The following CC2D2A variants were observed in gnomAD, a reference collection of about 807,000 sequenced individuals.
CC2D2A encodes coiled-coil and C2 domain containing 2A.
In CC2D2A, 155 loss-of-function variants were observed where a neutral mutation model predicts 212.9. The ratio of observed to expected loss-of-function variants is 0.73; its 90% CI spans 0.64 to 0.83. The LOEUF is 0.83. Among genes scored for constraint, CC2D2A ranks in the 40% least tolerant of loss-of-function variants. CC2D2A has a pLI of 0.00. For missense variants in CC2D2A, 1,856 were observed against 1,956.2 expected (o/e 0.95, Z 0.97); for synonymous variants, 667 against 686.5 (o/e 0.97, Z 0.44).
In CC2D2A at chr4:15,567,421, A is replaced by T. The variant is rs768818047; in HGVS notation, c.3227A>T (p.Lys1076Met). ...PSRSSRMFSE[K>M]HAASPSTYSP... ...AGGTCTTCAAGGATGTTCAGTGAAA[A>T]GCATGCTGCTTCCCCAAGCACGTAC... Residue 1076 changes from lysine to methionine, a missense_variant, in exon 25 of 37, where the codon AAG (lysine) becomes ATG (methionine). Transcript: ENST00000424120. 1 of 1,613,636 alleles carries T rather than the reference A, an allele frequency of 6.2e-7. No individual in the cohort carries two copies. The highest frequency in any genetic ancestry group is 8.5e-7 in the Non-Finnish European group (1 of 1,179,736).
chr4:15,493,697 A>G (rs957488649), intron 4 of CC2D2A, among the ~76,000 whole-genome samples: 10 of 152,282 alleles, frequency 6.6e-5, no homozygotes, highest in East Asian at 1.9e-4. Flanking sequence ...TTTGTGGTCT[A>G]TCTCCCCCAC....
chr4:15,543,868 T>A (rs1008088112), intron 17 of CC2D2A: 3 of 152,270 alleles, frequency 2.0e-5, no homozygotes, highest in African/African-American at 7.2e-5. Flanking sequence ...GTACAATTAT[T>A]TGAGCCACTT....
chr4:15,526,471 G>A (rs1717515692), intron 11 of CC2D2A, among the ~76,000 whole-genome samples: 1 of 152,136 alleles, frequency 6.6e-6, no homozygotes, highest in East Asian at 1.9e-4. Context: ...AGAGTTTGCT[G>A]AACATGTTAC....
At chr4:15,477,211 AG>A (rs1714278439) in intron 2 of CC2D2A, among the ~76,000 whole-genome samples, 1 of 151,774 alleles carries the variant, frequency 6.6e-6, no homozygotes, top group African/African-American at 2.4e-5. Flanking sequence ...CTGAGGCAGG[AG>A]AATCACTTTG....
At chr4:15,572,732 C>T (rs902727467) in intron 28 of CC2D2A, among the ~76,000 whole-genome samples, 54 of 152,046 alleles carry the variant, frequency 3.6e-4, no homozygotes, top group African/African-American at 1.3e-3. Flanking sequence ...AGTGACCACA[C>T]GATCACAAGG....
chr4:15,500,103 G>GTATATATATA (rs1417025229), intron 4 of CC2D2A, among the ~76,000 whole-genome samples: 4 of 73,152 alleles, frequency 5.5e-5, no homozygotes, highest in Non-Finnish European at 1.4e-4. Context: ...GTGTGTGTGT[G>GTATATATATA]TGTGTATATA....
At chr4:15,541,868 A>G (rs973261854) in intron 17 of CC2D2A, among the ~76,000 whole-genome samples, 2 of 152,044 alleles carry the variant, frequency 1.3e-5, no homozygotes, top group Non-Finnish European at 2.9e-5. Flanking sequence ...CTTCAAAACA[A>G]CAGAAATGTG....
intron 4 of CC2D2A, among the ~76,000 whole-genome samples, chr4:15,487,092 G>A (rs924563958): frequency 5.3e-5 from 8 of 152,054 alleles, no homozygotes. Flanking sequence ...CATGTTCCAT[G>A]TGCTGAAGAG....
chr4:15,478,839 T>C, intron 3 of CC2D2A, 33 bp downstream of exon 3: 1 of 1,507,026 alleles, frequency 6.6e-7, no homozygotes, highest in Non-Finnish European at 9.0e-7. Context: ...GTCTGCGTAT[T>C]GTCATTGATC....
intron 11 of CC2D2A, chr4:15,519,419 G>A (rs1328281220): frequency 2.5e-6 from 1 of 407,508 alleles, no homozygotes; most frequent in Admixed American, 2.7e-5. Context: ...ACATTTTCCT[G>A]TCTTCTTCTG....
At chr4:15,578,241 G>C (rs1323612536) in intron 29 of CC2D2A, among the ~76,000 whole-genome samples, 1 of 152,158 alleles carries the variant, frequency 6.6e-6, no homozygotes, top group African/African-American at 2.4e-5. Flanking sequence ...TAGATGTCAA[G>C]GGACATTTTA....
intron 26 of CC2D2A, 51 bp downstream of exon 26, chr4:15,567,837 G>A: frequency 7.7e-7 from 1 of 1,302,426 alleles, no homozygotes; most frequent in South Asian, 1.4e-5. Context: ...GAAGAAATGT[G>A]AAGAAAGCAG....
intron 15 of CC2D2A, among the ~76,000 whole-genome samples, 177 bp from the exon 16 acceptor site, chr4:15,537,722 G>A (rs1262556364): frequency 6.6e-6 from 1 of 152,062 alleles, no homozygotes. Flanking sequence ...GCTCCATTCT[G>A]TAGATGAAAA....
rs1263409983 is a variant in CC2D2A, at chr4:15,514,884, T to A, written c.880+15T>A. 1 of 1,612,066 alleles carries A rather than the reference T, an allele frequency of 6.2e-7. No homozygotes were observed. The highest frequency in any genetic ancestry group is 8.5e-7 in the Non-Finnish European group (1 of 1,178,608). On this transcript the variant is annotated intron_variant, in intron 9 of 36. Transcript: ENST00000424120. ...TAGGCAGACAGGTACTTGCTCTTTT[T>A]ATTTTCTTGTTCAGCTTAGACATCG...
At chr4:15,542,873 G>A (rs547420506) in intron 17 of CC2D2A, among the ~76,000 whole-genome samples, 12 of 152,238 alleles carry the variant, frequency 7.9e-5, no homozygotes, top group Admixed American at 2.6e-4. Flanking sequence ...ATCAAGCCCC[G>A]CCTAGATCTC....
intron 16 of CC2D2A, 145 bp downstream of exon 16, chr4:15,538,282 A>C: frequency 1.1e-6 from 1 of 925,574 alleles, no homozygotes; most frequent in Non-Finnish European, 1.5e-6. Flanking sequence ...CTAAATGAAT[A>C]TTAGGTTGAA....
At chr4:15,515,265 C>A (rs776375680) in intron 9 of CC2D2A, among the ~76,000 whole-genome samples, 10 of 152,214 alleles carry the variant, frequency 6.6e-5, no homozygotes, top group Non-Finnish European at 1.2e-4. Flanking sequence ...TGCTGCCTAT[C>A]ACTCCCACTA....
chr4:15,576,484 G>A (rs550247818), intron 29 of CC2D2A: 8 of 380,040 alleles, frequency 2.1e-5, no homozygotes, highest in Non-Finnish European at 2.5e-5. Context: ...AGAAACTCCT[G>A]AAACTCTTAT....
intron 17 of CC2D2A, among the ~76,000 whole-genome samples, chr4:15,548,468 TTGTGG>T (rs1390400450): frequency 6.6e-6 from 1 of 152,056 alleles, no homozygotes; most frequent in Non-Finnish European, 1.5e-5. Flanking sequence ...TTTCATAGGA[TTGTGG>T]TGAAGATTAA....
Sources: allele counts gnomAD v4.1 joint callset (sites outside exome capture counted in the v4.1 genomes callset), GRCh38; gene constraint gnomAD v4.1.1; transcripts MANE v1.5; gene names NCBI Gene and HGNC (gene_info 2026-07-23, HGNC 2026-07-21).